Variants in ATG7 observed in about 807,000 individuals in gnomAD.
ATG7 encodes the protein autophagy related 7, also known as ubiquitin-like modifier-activating enzyme ATG7.
In ATG7, 70 loss-of-function variants were observed where a neutral mutation model predicts 82.4. That is an observed-to-expected ratio of 0.85 (90% CI 0.70 to 1.04). The LOEUF (loss-of-function observed/expected upper bound fraction) is 1.04. Ranked by LOEUF, ATG7 falls within the 50% of genes least tolerant of loss-of-function variation. The pLI, the probability that ATG7 is intolerant of heterozygous loss-of-function variation, is 0.00. For synonymous variants in ATG7, 287 were observed against 313.0 expected (o/e 0.92, Z 0.88); for missense variants, 792 against 864.3 (o/e 0.92, Z 1.05).
chr3:11,475,402 C>T (rs573061094), intron 20 of ATG7, among the ~76,000 whole-genome samples: 49 of 152,186 alleles, frequency 3.2e-4, no homozygotes, highest in African/African-American at 1.1e-3. Flanking sequence ...GAAAGGGAAC[C>T]AGAGCTGCAT....
At position 11,380,022 on chromosome 3, in the gene ATG7, A is replaced by G; in HGVS notation, c.1926A>G (p.Ala642=). Residue 642 remains alanine, a synonymous_variant, in exon 19 of 21, where the codon GCA becomes GCG. Transcript: ENST00000693202. ...ATAATGTCCTTCCCGTCAGCCTGGC[A>G]TTTGACAAATGTACAGCTTGTTCTT... ...RFDNVLPVSL[A]FDKCTACSSK... is the part of the protein sequence containing the mutation. 6.2e-7 allele frequency: 1 copy of G among 1,614,106 alleles called. No individual in the cohort carries two copies.
At chr3:11,489,512 C>A (rs574740576) in intron 20 of ATG7, among the ~76,000 whole-genome samples, 1,617 of 147,278 alleles carry the variant, frequency 0.011, 33 homozygotes, top group African/African-American at 0.038. Flanking sequence ...TTCTTGCCTT[C>A]TGCTGGCTTT....
chr3:11,524,957 T>C (rs1225197085), intron 20 of ATG7, among the ~76,000 whole-genome samples: 1 of 152,192 alleles, frequency 6.6e-6, no homozygotes, highest in African/African-American at 2.4e-5. Flanking sequence ...TCGTATATTC[T>C]ATATTTTCCC....
chr3:11,439,278 A>G (rs1163341211), intron 20 of ATG7, among the ~76,000 whole-genome samples: 1 of 151,930 alleles, frequency 6.6e-6, no homozygotes, highest in African/African-American at 2.4e-5. Context: ...CATGTTGGCC[A>G]GGCTGGTCTC....
At chr3:11,362,101 A>G (rs185671979) in intron 16 of ATG7, among the ~76,000 whole-genome samples, 1 of 152,316 alleles carries the variant, frequency 6.6e-6, no homozygotes, top group East Asian at 1.9e-4. Flanking sequence ...GTGATTGTCA[A>G]CAAATACGAT....
chr3:11,553,371 A>G (rs550690102), intron 20 of ATG7, among the ~76,000 whole-genome samples: 3 of 151,870 alleles, frequency 2.0e-5, no homozygotes, highest in East Asian at 1.9e-4. Flanking sequence ...AGCTGGCTAC[A>G]TGAATGTGTG....
chr3:11,506,232 G>A (rs1047946506), intron 20 of ATG7, among the ~76,000 whole-genome samples: 5 of 152,178 alleles, frequency 3.3e-5, no homozygotes, highest in Admixed American at 6.5e-5. Context: ...AAACATGGTA[G>A]AAATTTGTTT....
intron 18 of ATG7, among the ~76,000 whole-genome samples, chr3:11,374,121 A>G (rs2077219916): frequency 6.6e-6 from 1 of 152,214 alleles, no homozygotes; most frequent in Non-Finnish European, 1.5e-5. Flanking sequence ...TCAAATTCAT[A>G]TGGAAGTGCA....
chr3:11,277,504 C>T (rs1280658428), intron 1 of ATG7: 1 of 152,310 alleles, frequency 6.6e-6, no homozygotes, highest in Admixed American at 6.5e-5. Flanking sequence ...ACAGCTGGGC[C>T]TCTGGGGGTG....
Position 11,307,059 on chromosome 3 carries a change from A to G in ATG7, c.332A>G (p.Glu111Gly). The stretch of plus-strand genomic sequence containing the variant: ...CTCCTTTTGGAACAAGCAGCAAATG[A>G]GGTTAGCTGTGAAAACGTGATGTAT... ...KKLLLEQAAN[E>G]IWESIKSGTA... The change falls in exon 6 of 21, where the codon GAG becomes GGG. Residue 111 changes from glutamate to glycine, a missense_variant and splice_region_variant. Coordinates refer to ENST00000693202, the MANE Select transcript of ATG7 (RefSeq NM_001349232.2). 6.2e-7 allele frequency: 1 copy of G among 1,611,156 alleles called. No individual in the cohort carries two copies. The highest frequency in any genetic ancestry group is 8.5e-7 in the Non-Finnish European group (1 of 1,177,344).
At chr3:11,451,785 C>A (rs1255733125) in intron 20 of ATG7, among the ~76,000 whole-genome samples, 29 of 129,548 alleles carry the variant, frequency 2.2e-4, no homozygotes, top group East Asian at 6.6e-4. Context: ...TTTATAGTCT[C>A]AAAAAAAAAA....
chr3:11,562,447 C>A (rs1424100843), downstream of ATG7, among the ~76,000 whole-genome samples: 1 of 152,190 alleles, frequency 6.6e-6, no homozygotes, highest in Non-Finnish European at 1.5e-5. Flanking sequence ...ATGCGTCCTG[C>A]CTGCCTGTGG....
intron 18 of ATG7, among the ~76,000 whole-genome samples, chr3:11,367,562 A>G (rs2076709025): frequency 6.6e-6 from 1 of 152,038 alleles, no homozygotes; most frequent in African/African-American, 2.4e-5. Flanking sequence ...TCTGTGTCAG[A>G]CCTAGGAGGC....
chr3:11,366,368 C>T (rs1420794516), intron 18 of ATG7, among the ~76,000 whole-genome samples: 4 of 152,022 alleles, frequency 2.6e-5, no homozygotes, highest in Non-Finnish European at 5.9e-5. Context: ...TGAAAATGTG[C>T]CCCCCTCTGT....
chr3:11,288,221 A>C (rs568555887), intron 3 of ATG7, among the ~76,000 whole-genome samples: 1 of 152,378 alleles, frequency 6.6e-6, no homozygotes, highest in East Asian at 1.9e-4. Context: ...AGAACTCATT[A>C]TCTCTCTGAT....
intron 20 of ATG7, among the ~76,000 whole-genome samples, chr3:11,466,880 A>G (rs2086875002): frequency 6.6e-6 from 1 of 152,210 alleles, no homozygotes; most frequent in Non-Finnish European, 1.5e-5. Context: ...CTGTAATCCC[A>G]GCACTTTGGG....
intron 15 of ATG7, among the ~76,000 whole-genome samples, chr3:11,359,791 A>G (rs2076172672): frequency 6.6e-6 from 1 of 152,086 alleles, no homozygotes; most frequent in Non-Finnish European, 1.5e-5. Flanking sequence ...CTGGGATACC[A>G]AAAAAATTCT....
chr3:11,553,702 G>C (rs953692474), intron 20 of ATG7, among the ~76,000 whole-genome samples: 13 of 152,188 alleles, frequency 8.5e-5, no homozygotes, highest in African/African-American at 3.1e-4. Context: ...CAAGAGCTCA[G>C]ATAGTTTGGC....
At chr3:11,513,553 G>A (rs572531763) in intron 20 of ATG7, among the ~76,000 whole-genome samples, 95 of 152,224 alleles carry the variant, frequency 6.2e-4, no homozygotes, top group Non-Finnish European at 1.2e-3. Context: ...GGCCTGCCAA[G>A]CCCACGCCCA....
Sources: allele counts gnomAD v4.1 joint callset (sites outside exome capture counted in the v4.1 genomes callset), GRCh38; gene constraint gnomAD v4.1.1; transcripts MANE v1.5; gene names NCBI Gene and HGNC (gene_info 2026-07-23, HGNC 2026-07-21).